The following FOXP1 variants were observed in gnomAD, a reference collection of about 807,000 sequenced individuals.
FOXP1 encodes the protein forkhead box protein P1.
In FOXP1, 15 loss-of-function variants were observed where a neutral mutation model predicts 98.2. The ratio of observed to expected loss-of-function variants is 0.15; its 90% confidence interval spans 0.10 to 0.24. The LOEUF (loss-of-function observed/expected upper bound fraction) is 0.24, where lower values mean the gene tolerates loss of function less well. Among genes scored for constraint, FOXP1 ranks in the 10% least tolerant of loss-of-function variants. The pLI, the probability that FOXP1 is intolerant of heterozygous loss-of-function variation, is 1.00. For synonymous variants in FOXP1, 371 were observed against 314.5 expected (o/e 1.18, Z -1.90); for missense variants, 633 against 848.5 (o/e 0.75, Z 3.15).
At chr3:71,396,818 T>C (rs1055993471) in intron 3 of FOXP1, among the ~76,000 whole-genome samples, 3 of 148,746 alleles carry the variant, frequency 2.0e-5, no homozygotes, top group Non-Finnish European at 4.4e-5. Flanking sequence ...GCCCTGATTC[T>C]AAGTGTTTTA....
intron 3 of FOXP1, among the ~76,000 whole-genome samples, chr3:71,402,303 A>C (rs2108216445): frequency 6.6e-6 from 1 of 152,206 alleles, no homozygotes; most frequent in South Asian, 2.1e-4. Context: ...AAAGATACAA[A>C]AATTAGCCAG....
intron 7 of FOXP1, among the ~76,000 whole-genome samples, chr3:71,061,227 T>C (rs955949593): frequency 7.2e-5 from 11 of 152,116 alleles, no homozygotes; most frequent in African/African-American, 2.7e-4. Context: ...AAACAAACCT[T>C]TTATCAAACA....
At chr3:71,372,419 C>G (rs2079404260) in intron 3 of FOXP1, among the ~76,000 whole-genome samples, 1 of 152,152 alleles carries the variant, frequency 6.6e-6, no homozygotes, top group African/African-American at 2.4e-5. Context: ...TCCACTGTAT[C>G]CTGTGTGAAC....
rs2031755421 is a variant in FOXP1, at chr3:70,956,262, A to G, written c.*2985T>C. ...TGTACAACGTAATAAACCCCATCCT[A>G]AAGAAGCAACTGGGATAACCCCCAG... On this transcript the variant is annotated 3_prime_UTR_variant, in exon 21 of 21. Transcript: ENST00000649528. The G allele has an allele frequency of 4.3e-6, 1 of 233,578 alleles. No individual in the cohort carries two copies. The highest frequency in any genetic ancestry group is 2.2e-5 in the African/African-American group (1 of 45,474). The allele number at this position is 233,578 out of a possible 1,614,324, so 14.5% of individuals were successfully genotyped here.
At chr3:71,461,792 T>C (rs1206154038) in intron 3 of FOXP1, among the ~76,000 whole-genome samples, 3 of 150,126 alleles carry the variant, frequency 2.0e-5, no homozygotes, top group African/African-American at 2.5e-5. Flanking sequence ...AGAGCGAGAC[T>C]CTGTATCGAA....
intron 7 of FOXP1, among the ~76,000 whole-genome samples, chr3:71,068,082 G>C (rs1262577617): frequency 6.6e-6 from 1 of 151,482 alleles, no homozygotes; most frequent in Non-Finnish European, 1.5e-5. Flanking sequence ...AAGAGTAAAG[G>C]AAATGCTAAA....
At chr3:71,301,119 T>C (rs1387207714) in intron 4 of FOXP1, among the ~76,000 whole-genome samples, 2 of 152,166 alleles carry the variant, frequency 1.3e-5, no homozygotes, top group Non-Finnish European at 2.9e-5. Context: ...TAAGAGGAAA[T>C]TGGAGGTTTT....
intron 3 of FOXP1, among the ~76,000 whole-genome samples, chr3:71,471,388 C>T (rs1373486038): frequency 6.6e-6 from 1 of 151,992 alleles, no homozygotes; most frequent in East Asian, 1.9e-4. Context: ...GGCGAAATAA[C>T]TGAGGTTTGT....
intron 2 of FOXP1, among the ~76,000 whole-genome samples, chr3:71,548,044 T>C (rs1187789216): frequency 1.3e-5 from 2 of 152,218 alleles, no homozygotes; most frequent in Non-Finnish European, 2.9e-5. Flanking sequence ...GATGAGGCAA[T>C]CTGCAGTTCC....
chr3:71,561,092 T>G (rs2046496068), intron 2 of FOXP1, among the ~76,000 whole-genome samples: 2 of 152,164 alleles, frequency 1.3e-5, no homozygotes, highest in South Asian at 4.1e-4. Context: ...AGTGTCACTC[T>G]GTCACCCAGG....
rs975099825 is a variant in FOXP1 at position 70,972,234 on chromosome 3, T to C, written c.1652+321A>G. 3.5e-6 allele frequency: 5 copies of C among 1,433,328 alleles called. No homozygotes were observed. The African/African-American group carries it at 4.3e-5, about 12-fold the overall frequency. 88.8% of individuals were successfully genotyped at this position (1,433,328 alleles called of 1,614,324 possible). A position where few individuals can be genotyped will look rare whatever the true frequency, so the allele number is the denominator to read the frequency against. On this transcript the variant is annotated intron_variant, in intron 18 of 20. Transcript: ENST00000649528. ...GGAGTGGCAACAAAAGGAGACGGGG[T>C]TGGGGGCAGAACAGACATCCAATAC... is the stretch of plus-strand genomic sequence containing the variant.
At chr3:71,335,708 A>T (rs982263945) in intron 4 of FOXP1, among the ~76,000 whole-genome samples, 23 of 152,128 alleles carry the variant, frequency 1.5e-4, no homozygotes, top group Non-Finnish European at 2.8e-4. Flanking sequence ...TTCTCAGGTA[A>T]GAAATGTACA....
At chr3:71,203,722 A>G (rs1005026982) in intron 5 of FOXP1, among the ~76,000 whole-genome samples, 1 of 152,222 alleles carries the variant, frequency 6.6e-6, no homozygotes, top group African/African-American at 2.4e-5. Flanking sequence ...TGTGTAAATT[A>G]AACTAAACAT....
intron 6 of FOXP1, among the ~76,000 whole-genome samples, chr3:71,116,513 T>C (rs1292859787): frequency 6.6e-6 from 1 of 152,202 alleles, no homozygotes; most frequent in Non-Finnish European, 1.5e-5. Flanking sequence ...GAGACAACAC[T>C]AGTGCAGAGA....
rs1022215663 is a variant in FOXP1, at chr3:70,957,719, C to T, written c.*1528G>A. On this transcript the variant is annotated 3_prime_UTR_variant, in exon 21 of 21. Coordinates refer to ENST00000649528, the MANE Select transcript of FOXP1 (RefSeq NM_001349338.3). The stretch of plus-strand genomic sequence containing the variant: ...CCATGTTTGGGACCCCCCCAAAGCC[C>T]AGGGCCTACATGATATCTTCTATGA... 4.3e-6 allele frequency: 1 copy of T among 233,428 alleles called. No homozygotes were observed. Among genetic ancestry groups the T allele is most frequent in the Non-Finnish European group, 8.5e-6 (1 of 118,054 alleles). 14.5% of individuals were successfully genotyped at this position (233,428 alleles called of 1,614,324 possible).
intron 11 of FOXP1, among the ~76,000 whole-genome samples, chr3:71,027,334 C>A (rs1247042757): frequency 6.6e-6 from 1 of 152,164 alleles, no homozygotes; most frequent in Non-Finnish European, 1.5e-5. Context: ...CAAAAGATTT[C>A]TAAGAGTTAC....
At chr3:71,241,474 C>T (rs2067276078) in intron 5 of FOXP1, among the ~76,000 whole-genome samples, 1 of 152,190 alleles carries the variant, frequency 6.6e-6, no homozygotes, top group Admixed American at 6.5e-5. Context: ...CTCCCCTCCA[C>T]CCTCTAATCC....
chr3:71,221,812 CAATGCTTA>C (rs2065410747), intron 5 of FOXP1, among the ~76,000 whole-genome samples: 1 of 152,206 alleles, frequency 6.6e-6, no homozygotes, highest in Non-Finnish European at 1.5e-5. Context: ...GTTGCAGACT[CAATGCTTA>C]TGGCTAGGAC....
chr3:71,372,533 G>A (rs753249690), intron 3 of FOXP1, among the ~76,000 whole-genome samples: 2 of 152,094 alleles, frequency 1.3e-5, no homozygotes, highest in Admixed American at 6.5e-5. Context: ...TGGTGGAGCT[G>A]TCATAGAGTT....
Sources: gnomAD v4.1 joint callset for allele counts (sites outside exome capture counted in the v4.1 genomes callset) on GRCh38, gnomAD v4.1.1 for gene constraint, MANE v1.5 for transcripts, NCBI Gene and HGNC (gene_info 2026-07-23, HGNC 2026-07-21) for gene names.